The following WIPF2 variants were observed in gnomAD, a reference collection of about 807,000 sequenced individuals.
WIPF2 encodes WAS/WASL-interacting protein family member 2.
A neutral mutation model predicts 38.8 loss-of-function variants in WIPF2; 23 were observed. The ratio of observed to expected loss-of-function variants is 0.59; its 90% CI spans 0.43 to 0.84. The LOEUF is 0.84. WIPF2 is among the 40% of genes least tolerant of loss of function. The pLI, the probability that WIPF2 is intolerant of heterozygous loss-of-function variation, is 0.00. For synonymous variants in WIPF2, 210 were observed against 223.2 expected, an observed-to-expected ratio of 0.94 and a Z score of 0.53; for missense variants, 574 against 580.5, an observed-to-expected ratio of 0.99 and a Z score of 0.11.
chr17:40,262,990 A>C (rs1893308385), intron 4 of WIPF2, among the ~76,000 whole-genome samples: 1 of 152,202 alleles, frequency 6.6e-6, no homozygotes, highest in Non-Finnish European at 1.5e-5. Context: ...TATATGTGGG[A>C]TCTGAAACAG....
rs796169415 is a variant in WIPF2, at chr17:40,282,783, A to C, written c.*4558A>C. On this transcript the variant is annotated 3_prime_UTR_variant, in exon 8 of 8. Transcript: ENST00000323571. ...TTTGCCTCATAATTTGGGTAAGTGT[A>C]GTGGTTTGATTCCAGGTCCCTTGAA... 2.0e-5 allele frequency: 3 copies of C among 152,324 alleles called. No homozygotes were observed. The highest frequency in any genetic ancestry group is 7.2e-5 in the African/African-American group (3 of 41,576). The allele number at this position is 152,324 out of a possible 1,614,324, so 9.4% of individuals were successfully genotyped here.
chr17:40,239,695 T>C (rs937415433), intron 1 of WIPF2, among the ~76,000 whole-genome samples: 6 of 144,218 alleles, frequency 4.2e-5, no homozygotes, highest in Admixed American at 6.9e-5. Flanking sequence ...GCTTTTCTTT[T>C]TTTTTTTTTT....
In WIPF2 at chr17:40,257,490, G is replaced by C. The variant is rs190999113; in HGVS notation, c.63+968G>C. Among the ~76,000 whole-genome samples, 746 of 152,106 alleles carry C rather than the reference G, an allele frequency of 4.9e-3. 3 individuals carry two copies. Among genetic ancestry groups the C allele is most frequent in the Non-Finnish European group, 7.7e-3 (522 of 67,990 alleles). On this transcript the variant is annotated intron_variant, in intron 2 of 7. Coordinates refer to ENST00000323571, the MANE Select transcript of WIPF2 (RefSeq NM_133264.5). ...CAGGAAGCTACTTTAGCCATACCTA[G>C]ATTGTGATACCTGGTGTCACATGAG... is the stretch of plus-strand genomic sequence containing the variant.
chr17:40,248,870 A>G (rs2031463488), intron 1 of WIPF2, among the ~76,000 whole-genome samples: 1 of 152,238 alleles, frequency 6.6e-6, no homozygotes, highest in Non-Finnish European at 1.5e-5. Context: ...TTAAGTAATT[A>G]AACATATATT....
At position 40,280,158 on chromosome 17, in the gene WIPF2, T is replaced by C. The variant is rs1276934781; in HGVS notation, c.*1933T>C. ...TCTGTTAGCAGTTATCTCCCAGAAG[T>C]ATCCCTAGCATCCTGAAGCAAACAG... is the stretch of plus-strand genomic sequence containing the variant. On this transcript the variant is annotated 3_prime_UTR_variant, in exon 8 of 8. Coordinates refer to ENST00000323571, the MANE Select transcript of WIPF2 (RefSeq NM_133264.5). 3 of 152,224 alleles carry C rather than the reference T, an allele frequency of 2.0e-5. No individual in the cohort carries two copies. Among genetic ancestry groups the C allele is most frequent in the Non-Finnish European group, 4.4e-5 (3 of 68,038 alleles). The allele number at this position is 152,224 out of a possible 1,614,324, so 9.4% of individuals were successfully genotyped here.
At chr17:40,277,522 A>G (rs1271260740) in intron 7 of WIPF2, among the ~76,000 whole-genome samples, 1 of 152,082 alleles carries the variant, frequency 6.6e-6, no homozygotes, top group Non-Finnish European at 1.5e-5. Flanking sequence ...TCTACTAAAA[A>G]TACAAAAGAT....
chr17:40,221,091 AT>A (rs898736914), intron 1 of WIPF2, among the ~76,000 whole-genome samples: 1 of 151,964 alleles, frequency 6.6e-6, no homozygotes, highest in Non-Finnish European at 1.5e-5. Flanking sequence ...CAGAATTCAT[AT>A]TTTTTAAAGG....
rs1450103284 is a variant in WIPF2 at position 40,277,083 on chromosome 17, A to G, written c.1181A>G (p.Asp394Gly). ...AATTAATGTTCTATTCTTTTCGCAGATGATTTTGAGTCAAAGTATTCCTTC... is the reference window on the plus strand; with the variant it reads ...AATTAATGTTCTATTCTTTTCGCAGGTGATTTTGAGTCAAAGTATTCCTTC... ...DSITTVRSFL[D>G]DFESKYSFHP... Residue 394 changes from aspartate (D) to glycine (G), a missense_variant and splice_region_variant, in exon 7 of 8, where the codon GAT becomes GGT. Asp to Gly is a moderately conservative substitution (Grantham distance 94). Transcript: ENST00000323571. 2.5e-6 allele frequency: 4 copies of G among 1,609,994 alleles called. No homozygotes were observed. Among genetic ancestry groups the G allele is most frequent in the Non-Finnish European group, 3.4e-6 (4 of 1,177,966 alleles).
In WIPF2 at chr17:40,273,840, C is replaced by T; in HGVS notation, c.1021C>T (p.Pro341Ser). Residue 341 changes from proline to serine, a missense_variant, in exon 6 of 8, where the codon CCT becomes TCT. Coordinates refer to ENST00000323571, the MANE Select transcript of WIPF2 (RefSeq NM_133264.5). ...CCGAAATGGTGCCAGGGATGCTCCC[C>T]CTCCCCCACCACCATACCGAATGCA... ...VIRNGARDAP[P>S]PPPPYRMHGS... 7 of 1,591,918 alleles carry T rather than the reference C, an allele frequency of 4.4e-6. No homozygotes were observed. The highest frequency in any genetic ancestry group is 5.2e-6 in the Non-Finnish European group (6 of 1,162,792).
chr17:40,269,149 T>A (rs952854886), intron 5 of WIPF2, among the ~76,000 whole-genome samples: 15 of 151,948 alleles, frequency 9.9e-5, no homozygotes, highest in Non-Finnish European at 1.9e-4. Context: ...TGAAACCCCA[T>A]CTCTCTACTA....
intron 7 of WIPF2, 106 bp from the exon 8 acceptor site, chr17:40,278,079 T>A: frequency 7.5e-7 from 1 of 1,334,700 alleles, no homozygotes; most frequent in Admixed American, 2.1e-5. Context: ...CCCCAGATTT[T>A]AAAGGTTAGC....
At chr17:40,269,875 G>GTA (rs2032198638) in intron 5 of WIPF2, among the ~76,000 whole-genome samples, 1 of 150,866 alleles carries the variant, frequency 6.6e-6, no homozygotes, top group African/African-American at 2.4e-5. Flanking sequence ...AAAGTGCTGG[G>GTA]ATTATAGGCA....
rs567963565 is a variant in WIPF2 at position 40,248,709 on chromosome 17, G to A, written c.-69-7682G>A. On this transcript the variant is annotated intron_variant, in intron 1 of 7. Transcript: ENST00000323571. The stretch of plus-strand genomic sequence containing the variant: ...GAATTCCATTAGGGAGGAGTGTCTG[G>A]AATCTTTTTCTTTTGAAGACACAAC... 7.4e-4 allele frequency among the ~76,000 whole-genome samples: 112 copies of A among 152,264 alleles called. 1 individual carries two copies. Among genetic ancestry groups the A allele is most frequent in the African/African-American group, 2.4e-3 (100 of 41,558 alleles).
intron 1 of WIPF2, chr17:40,220,591 A>ATATATATATATATATATATATATATATG (rs1387516883): frequency 1.3e-5 from 1 of 76,672 alleles, no homozygotes; most frequent in Non-Finnish European, 2.5e-5. Flanking sequence ...ATATATATAT[A>ATATATATATATATATATATATATATATG]TATATATATA....
In WIPF2 at chr17:40,283,913, C is replaced by T. The variant is rs1489072683; in HGVS notation, c.*5688C>T. On this transcript the variant is annotated 3_prime_UTR_variant, in exon 8 of 8. Coordinates refer to ENST00000323571, the MANE Select transcript of WIPF2 (RefSeq NM_133264.5). ...GCTTAACTTGCACTTTCATCACTAG[C>T]AAAGGTCTTGAAGTTATTTCTCTTA... 6.6e-6 allele frequency: 1 copy of T among 152,056 alleles called. No individual in the cohort carries two copies. Among genetic ancestry groups the T allele is most frequent in the Non-Finnish European group, 1.5e-5 (1 of 68,034 alleles). 9.4% of individuals were successfully genotyped at this position (152,056 alleles called of 1,614,324 possible).
At chr17:40,272,120 A>G (rs1323477235) in intron 5 of WIPF2, among the ~76,000 whole-genome samples, 3 of 152,030 alleles carry the variant, frequency 2.0e-5, no homozygotes, top group East Asian at 1.9e-4. Context: ...CTTGGGTTCA[A>G]GCAATTCTCC....
chr17:40,257,313 A>G (rs1441083724), intron 2 of WIPF2, among the ~76,000 whole-genome samples: 3 of 152,042 alleles, frequency 2.0e-5, no homozygotes, highest in African/African-American at 7.2e-5. Context: ...CTACCACTTC[A>G]TCATCTCTTC....
chr17:40,249,365 TA>T (rs1358491859), intron 1 of WIPF2, among the ~76,000 whole-genome samples: 2 of 152,172 alleles, frequency 1.3e-5, no homozygotes, highest in Non-Finnish European at 2.9e-5. Context: ...CTCCTGTTTT[TA>T]AAATGTAGGA....
chr17:40,268,769 T>C (rs542813571), intron 5 of WIPF2, among the ~76,000 whole-genome samples: 3 of 152,126 alleles, frequency 2.0e-5, no homozygotes, highest in Non-Finnish European at 4.4e-5. Context: ...CAGAAAAAAA[T>C]TGAGATATTT....
Sources: gnomAD v4.1 joint callset for allele counts (sites outside exome capture counted in the v4.1 genomes callset) on GRCh38, gnomAD v4.1.1 for gene constraint, MANE v1.5 for transcripts, NCBI Gene and HGNC (gene_info 2026-07-23, HGNC 2026-07-21) for gene names.